RAB25: variants seen among roughly 807,000 people sequenced by gnomAD.
The protein encoded by RAB25 is ras-related protein Rab-25.
Under a neutral mutation model 25.2 loss-of-function variants are expected in RAB25, and 23 were observed. The observed-to-expected ratio is 0.91, with a 90% CI of 0.66 to 1.29. The LOEUF is 1.29. Among genes scored for constraint, RAB25 ranks in the 50% most tolerant of loss-of-function variants. The pLI is 0.00. For synonymous variants in RAB25, 102 were observed against 111.5 expected (o/e 0.91, Z 0.54); for missense variants, 244 against 277.3 (o/e 0.88, Z 0.85).
At position 156,070,502 on chromosome 1, in the gene RAB25, C is replaced by A; in HGVS notation, c.*215C>A. ...ACCCTCAAATAAAGCTGTTTTATAT[C>A]AATGCCTGGTCATTCCACTGCCTCC... On this transcript the variant is annotated 3_prime_UTR_variant, in exon 5 of 5. Transcript: ENST00000361084. 2 of 604,484 alleles carry A rather than the reference C, an allele frequency of 3.3e-6. No homozygotes were observed. Among genetic ancestry groups the A allele is most frequent in the Middle Eastern group, 4.7e-4 (1 of 2,144 alleles). The allele number at this position is 604,484 out of a possible 1,614,324, so 37.4% of individuals were successfully genotyped here.
chr1:156,061,365 C>T lies in RAB25; in HGVS notation c.-36C>T. On this transcript the variant is annotated 5_prime_UTR_variant, in exon 1 of 5. Coordinates refer to ENST00000361084, the MANE Select transcript of RAB25 (RefSeq NM_020387.4). ...CAACACACAGATTTGTCGCCTCTGT[C>T]CCCGAAGACACCTGCACCCTCCATG... 6.2e-7 allele frequency: 1 copy of T among 1,610,564 alleles called. No homozygotes were observed. Among genetic ancestry groups the T allele is most frequent in the Non-Finnish European group, 8.5e-7 (1 of 1,176,934 alleles).
At position 156,061,304 on chromosome 1, in the gene RAB25, A is replaced by G. The variant is rs150076779; in HGVS notation, c.-97A>G. 3.1e-6 allele frequency: 4 copies of G among 1,276,132 alleles called. No individual in the cohort carries two copies. In the African/African-American group the frequency reaches 5.9e-5, roughly 19 times the overall value. The allele number at this position is 1,276,132 out of a possible 1,614,324, so 79.1% of individuals were successfully genotyped here. ...CCCCAATGAGAGGAGGGGCAGGACC[A>G]GATCTTTTGAGAGCTGAGGGTTGAG... is the stretch of plus-strand genomic sequence containing the variant. On this transcript the variant is annotated 5_prime_UTR_variant, in exon 1 of 5. Coordinates refer to ENST00000361084, the MANE Select transcript of RAB25 (RefSeq NM_020387.4).
chr1:156,070,189 CAG>C lies in RAB25; in HGVS notation c.546_547del (p.Asn183GlnfsTer94), dbSNP rs1647866207. The stretch of plus-strand genomic sequence containing the variant: ...CTTTGCGAAGGTGTCCAAGCAGAGA[CAG>C]AACAGCATCCGGACCAATGCCATCA... ...EIFAKVSKQR[Q>X]NSIRTNAITL... On this transcript the variant is annotated frameshift_variant, in exon 5 of 5. Transcript: ENST00000361084. LOFTEE classifies it high-confidence loss of function. The C allele has an allele frequency of 1.9e-6, 3 of 1,613,976 alleles. No individual in the cohort carries two copies. In the African/African-American group the frequency reaches 4.0e-5, roughly 22 times the overall value.
Position 156,068,459 on chromosome 1 carries a change from C to T in RAB25, c.429C>T (p.Phe143=), listed in dbSNP as rs999184319. The T allele has an allele frequency of 7.4e-6, 12 of 1,611,620 alleles. No individual in the cohort carries two copies. The highest frequency in any genetic ancestry group is 1.9e-4 in the Middle Eastern group (1 of 5,292). ...REVPTEEARM[F]AENNGLLFLE... ...TGCCCACTGAGGAGGCCCGAATGTTCGCTGGTGAGAGCCTGCCACTACCCA... is the reference window on the plus strand; with the variant it reads ...TGCCCACTGAGGAGGCCCGAATGTTTGCTGGTGAGAGCCTGCCACTACCCA... The change falls in exon 3 of 5, where the codon TTC becomes TTT. Residue 143 remains phenylalanine, a synonymous_variant. Transcript: ENST00000361084.
chr1:156,067,962 A>C (rs1647791428), intron 2 of RAB25, among the ~76,000 whole-genome samples: 1 of 152,184 alleles, frequency 6.6e-6, no homozygotes, highest in Non-Finnish European at 1.5e-5. Context: ...CATATTGGTT[A>C]GGCTAGTCTT....
chr1:156,070,071 A>G, intron 4 of RAB25, 89 bp from the exon 5 acceptor site: 1 of 1,591,632 alleles, frequency 6.3e-7, no homozygotes, highest in Non-Finnish European at 8.6e-7. Flanking sequence ...CATGCTCAGA[A>G]GGGGCATGCA....
chr1:156,061,194 C>A lies in RAB25; in HGVS notation c.-207C>A. 1 of 545,924 alleles carries A rather than the reference C, an allele frequency of 1.8e-6. No homozygotes were observed. Among genetic ancestry groups the A allele is most frequent in the Non-Finnish European group, 3.3e-6 (1 of 303,878 alleles). The allele number at this position is 545,924 out of a possible 1,614,324, so 33.8% of individuals were successfully genotyped here. A position where few individuals can be genotyped will look rare whatever the true frequency, so the allele number is the denominator to read the frequency against. The stretch of plus-strand genomic sequence containing the variant: ...CGTCCTCTCTGCTTCCTTACAGCAC[C>A]CCCACCTGCCAGAGCTGATCCTCCC... On this transcript the variant is annotated 5_prime_UTR_variant, in exon 1 of 5. Transcript: ENST00000361084.
intron 2 of RAB25, among the ~76,000 whole-genome samples, chr1:156,067,754 A>G (rs919947608): frequency 6.6e-6 from 1 of 152,056 alleles, no homozygotes; most frequent in South Asian, 2.1e-4. Context: ...AACTTTATTT[A>G]TTTAGTTAGT....
At chr1:156,066,615 A>G (rs1435701731) in intron 2 of RAB25, among the ~76,000 whole-genome samples, 1 of 152,190 alleles carries the variant, frequency 6.6e-6, no homozygotes, top group African/African-American at 2.4e-5. Context: ...GAGGACACAC[A>G]GGAGGTTAGG....
chr1:156,061,736 A>G (rs962090874), intron 1 of RAB25, among the ~76,000 whole-genome samples: 3 of 152,188 alleles, frequency 2.0e-5, no homozygotes, highest in Non-Finnish European at 4.4e-5. Flanking sequence ...CCCTGGTGTC[A>G]GCCAGTGCAG....
chr1:156,069,043 G>A (rs972725941), intron 3 of RAB25, among the ~76,000 whole-genome samples: 2 of 152,012 alleles, frequency 1.3e-5, no homozygotes, highest in Non-Finnish European at 2.9e-5. Context: ...CCTATGGAGA[G>A]GATAGGCTTC....
chr1:156,066,818 T>G (rs1303714237), intron 2 of RAB25, among the ~76,000 whole-genome samples: 1 of 151,944 alleles, frequency 6.6e-6, no homozygotes, highest in Non-Finnish European at 1.5e-5. Flanking sequence ...TGCGTACCTG[T>G]AGTCCCAGAT....
In RAB25 at chr1:156,066,038, C is replaced by T. The variant is rs1254434560; in HGVS notation, c.171C>T (p.Gly57=). The change falls in exon 2 of 5, where the codon GGC becomes GGT. Residue 57 remains glycine, a synonymous_variant. Coordinates refer to ENST00000361084, the MANE Select transcript of RAB25 (RefSeq NM_020387.4). ...TCTCCACCCGCACTGTGATGTTGGG[C>T]ACCGCTGCTGTCAAGGCTCAGATCT... The part of the protein sequence containing the change: ...VEFSTRTVML[G]TAAVKAQIWD... 3 of 1,613,526 alleles carry T rather than the reference C, an allele frequency of 1.9e-6. No homozygotes were observed. The highest frequency in any genetic ancestry group is 2.7e-5 in the African/African-American group (2 of 74,914).
chr1:156,069,765 T>C lies in RAB25; in HGVS notation c.514+14T>C, dbSNP rs746188197. On this transcript the variant is annotated intron_variant, in intron 4 of 4. Coordinates refer to ENST00000361084, the MANE Select transcript of RAB25 (RefSeq NM_020387.4). ...CTGTCCTGAAAGGTTAGAGCCTACC[T>C]TTATTCTGCACCCCTATTCCATCCC... 1 of 1,591,638 alleles carries C rather than the reference T, an allele frequency of 6.3e-7. No individual in the cohort carries two copies. The highest frequency in any genetic ancestry group is 8.6e-7 in the Non-Finnish European group (1 of 1,159,694).
chr1:156,063,641 T>G (rs1212779485), intron 1 of RAB25, among the ~76,000 whole-genome samples: 2 of 152,216 alleles, frequency 1.3e-5, no homozygotes, highest in South Asian at 2.1e-4. Flanking sequence ...GTGAGGCCGC[T>G]GTCTGCACCA....
At chr1:156,067,362 C>T (rs1647773476) in intron 2 of RAB25, among the ~76,000 whole-genome samples, 1 of 152,090 alleles carries the variant, frequency 6.6e-6, no homozygotes, top group Non-Finnish European at 1.5e-5. Flanking sequence ...GAGTCAGGGG[C>T]TTTGGTTACA....
intron 2 of RAB25, among the ~76,000 whole-genome samples, chr1:156,067,655 G>C (rs1193490071): frequency 6.6e-6 from 1 of 152,258 alleles, no homozygotes; most frequent in Non-Finnish European, 1.5e-5. Flanking sequence ...CACTGGTGGA[G>C]AGTAGGGGCT....
intron 1 of RAB25, among the ~76,000 whole-genome samples, chr1:156,061,650 G>GT (rs766305801): frequency 2.6e-5 from 4 of 152,176 alleles, no homozygotes; most frequent in Admixed American, 2.0e-4. Flanking sequence ...CTCTACTGTG[G>GT]TAAATAATGA....
chr1:156,070,126 C>T, intron 4 of RAB25, 34 bp from the exon 5 acceptor site: 1 of 1,614,062 alleles, frequency 6.2e-7, no homozygotes. Context: ...GGCTCTAAAT[C>T]TTCTGGCCTG....
Sources: allele counts gnomAD v4.1 joint callset (sites outside exome capture counted in the v4.1 genomes callset), GRCh38; gene constraint gnomAD v4.1.1; transcripts MANE v1.5; gene names NCBI Gene and HGNC (gene_info 2026-07-23, HGNC 2026-07-21).